The following AIG1 variants were observed in gnomAD, a reference collection of about 807,000 sequenced individuals.
AIG1 encodes androgen induced 1.
A neutral mutation model predicts 31.4 loss-of-function variants in AIG1; 23 were observed. The observed-to-expected ratio is 0.73, with a 90% CI of 0.53 to 1.04. The LOEUF is 1.04. Among genes scored for constraint, AIG1 ranks in the 50% least tolerant of loss-of-function variants. AIG1 has a pLI of 0.00. For synonymous variants in AIG1, 100 were observed against 110.5 expected, an observed-to-expected ratio of 0.90 and a Z score of 0.60; for missense variants, 274 against 295.0, an observed-to-expected ratio of 0.93 and a Z score of 0.52.
intron 3 of AIG1, among the ~76,000 whole-genome samples, chr6:143,197,351 TA>T (rs1790329275): frequency 6.6e-6 from 1 of 152,216 alleles, no homozygotes; most frequent in East Asian, 1.9e-4. Context: ...TGATCTTTAT[TA>T]AATTTGTTTC....
intron 3 of AIG1, among the ~76,000 whole-genome samples, chr6:143,177,815 C>T (rs1376410941): frequency 1.3e-5 from 2 of 152,192 alleles, no homozygotes; most frequent in Admixed American, 6.5e-5. Context: ...ACAGCTGGTC[C>T]TTGGGTCCCT....
intron 1 of AIG1, among the ~76,000 whole-genome samples, chr6:143,064,955 A>G (rs1356013035): frequency 1.3e-5 from 2 of 152,210 alleles, no homozygotes; most frequent in East Asian, 3.8e-4. Context: ...GAAGTTGGGT[A>G]GCTAATGGAA....
chr6:143,114,700 T>G lies in AIG1; in HGVS notation c.142-22135T>G, dbSNP rs541837009. ...TCTGGATCAATAGAACATAGTATCA[T>G]GGCATACTGTCTACCATTATAGTAT... On this transcript the variant is annotated intron_variant, in intron 1 of 5. Coordinates refer to ENST00000357847, the MANE Select transcript of AIG1 (RefSeq NM_016108.4). 3.0e-4 allele frequency among the ~76,000 whole-genome samples: 46 copies of G among 152,370 alleles called. No homozygotes were observed. The South Asian group carries it at 8.9e-3, about 30-fold the overall frequency.
chr6:143,171,431 A>ATATATATATAATATATATT (rs1491179531), intron 3 of AIG1, among the ~76,000 whole-genome samples: 1 of 94,784 alleles, frequency 1.1e-5, no homozygotes, highest in African/African-American at 4.4e-5. Context: ...TAATATATAT[A>ATATATATATAATATATATT]ATATATATAT....
intron 4 of AIG1, among the ~76,000 whole-genome samples, chr6:143,313,345 A>T (rs1029173446): frequency 6.6e-6 from 1 of 152,210 alleles, no homozygotes; most frequent in African/African-American, 2.4e-5. Flanking sequence ...AATGTGGTAC[A>T]TATACACAAT....
At chr6:143,067,608 T>C (rs1776832031) in intron 1 of AIG1, among the ~76,000 whole-genome samples, 3 of 152,250 alleles carry the variant, frequency 2.0e-5, no homozygotes, top group Non-Finnish European at 4.4e-5. Flanking sequence ...CTTATATTTA[T>C]TTACATACTT....
At chr6:143,077,549 T>G (rs747810085) in intron 1 of AIG1, among the ~76,000 whole-genome samples, 2 of 152,216 alleles carry the variant, frequency 1.3e-5, no homozygotes, top group Non-Finnish European at 1.5e-5. Flanking sequence ...TGAAGAGAAA[T>G]TTGCAATTAT....
In AIG1 at chr6:143,329,474, A is replaced by G. The variant is rs375923864; in HGVS notation, c.516-3808A>G. On this transcript the variant is annotated intron_variant, in intron 4 of 5. Transcript: ENST00000357847. This position sits in a 1 kb window ranked among gnomAD's most constrained non-coding sequence, Gnocchi z 4.9. ...TGCAAACCTGAGAATTTCACATTAC[A>G]TTAGCAGCTCTGACATAGTCTCATT... 6.6e-6 allele frequency among the ~76,000 whole-genome samples: 1 copy of G among 152,198 alleles called. No individual in the cohort carries two copies. Among genetic ancestry groups the G allele is most frequent in the Non-Finnish European group, 1.5e-5 (1 of 68,020 alleles).
At chr6:143,254,886 T>A (rs1215839557) in intron 3 of AIG1, among the ~76,000 whole-genome samples, 1 of 151,788 alleles carries the variant, frequency 6.6e-6, no homozygotes, top group Non-Finnish European at 1.5e-5. Context: ...CCAGGCATGG[T>A]GGTGTGTGGT....
intron 1 of AIG1, among the ~76,000 whole-genome samples, chr6:143,088,252 A>G (rs1778981545): frequency 6.7e-6 from 1 of 148,650 alleles, no homozygotes; most frequent in African/African-American, 2.6e-5. Flanking sequence ...GGTATTTTCT[A>G]TAACACTGCA....
At chr6:143,060,643 GA>G (rs1219923952), upstream of AIG1, 2 of 458,128 alleles carry the variant, frequency 4.4e-6, no homozygotes, top group African/African-American at 4.1e-5. Context: ...CGCAGGAGCA[GA>G]ATGACGAAGG....
At chr6:143,241,091 G>GA (rs199598240) in intron 3 of AIG1, among the ~76,000 whole-genome samples, 1,531 of 146,694 alleles carry the variant, frequency 0.01, 45 homozygotes, top group East Asian at 0.067. Flanking sequence ...AAAGTGGTCT[G>GA]AAAAAAAAAA....
At chr6:143,078,752 C>T (rs1220205018) in intron 1 of AIG1, among the ~76,000 whole-genome samples, 2 of 152,090 alleles carry the variant, frequency 1.3e-5, no homozygotes, top group Non-Finnish European at 2.9e-5. Context: ...GGGTCCCTCC[C>T]ACAACATGTG....
intron 3 of AIG1, among the ~76,000 whole-genome samples, chr6:143,270,034 C>G (rs1362173753): frequency 1.3e-5 from 2 of 152,178 alleles, no homozygotes. Context: ...GATGTAAACA[C>G]TGGATACAAA....
intron 2 of AIG1, among the ~76,000 whole-genome samples, chr6:143,158,042 T>G (rs888845867): frequency 1.3e-5 from 2 of 152,198 alleles, no homozygotes; most frequent in African/African-American, 4.8e-5. Flanking sequence ...TTTCCACTAC[T>G]GCCTTTCCTG....
intron 1 of AIG1, among the ~76,000 whole-genome samples, chr6:143,125,388 G>A (rs2128505847): frequency 6.6e-6 from 1 of 152,250 alleles, no homozygotes; most frequent in East Asian, 1.9e-4. Flanking sequence ...TTCTGCATTA[G>A]TAGTTTACTA....
At chr6:143,075,427 C>T (rs1040151813) in intron 1 of AIG1, among the ~76,000 whole-genome samples, 1 of 152,118 alleles carries the variant, frequency 6.6e-6, no homozygotes, top group Non-Finnish European at 1.5e-5. Flanking sequence ...CCTCAGCCCC[C>T]CAAGTAGCAG....
chr6:143,132,359 T>C (rs1188024708), intron 1 of AIG1, among the ~76,000 whole-genome samples: 2 of 152,202 alleles, frequency 1.3e-5, no homozygotes, highest in Non-Finnish European at 2.9e-5. Context: ...TCTTTCACCT[T>C]TGAGAGTTTT....
intron 3 of AIG1, among the ~76,000 whole-genome samples, chr6:143,236,017 T>A (rs1207240844): frequency 6.6e-6 from 1 of 152,206 alleles, no homozygotes; most frequent in African/African-American, 2.4e-5. Context: ...CTTCTGCCAT[T>A]TTCCCAAATT....
Sources: gnomAD v4.1 joint callset for allele counts (sites outside exome capture counted in the v4.1 genomes callset) on GRCh38, gnomAD v4.1.1 for gene constraint, Gnocchi (gnomAD v3.1) non-coding constraint, MANE v1.5 for transcripts, NCBI Gene and HGNC (gene_info 2026-07-23, HGNC 2026-07-21) for gene names.